ZBTB20: variants seen among roughly 807,000 people sequenced by gnomAD.
The protein encoded by ZBTB20 is zinc finger and BTB domain-containing protein 20.
A neutral mutation model predicts 56.9 loss-of-function variants in ZBTB20; 9 were observed. The ratio of observed to expected loss-of-function variants is 0.16; its 90% CI spans 0.10 to 0.28. ZBTB20 has a LOEUF of 0.28. Ranked by LOEUF, ZBTB20 falls within the 10% of genes least tolerant of loss-of-function variation. ZBTB20 has a pLI of 1.00. For missense variants in ZBTB20, 655 were observed against 1,003.0 expected (o/e 0.65, Z 4.69); for synonymous variants, 417 against 420.7 (o/e 0.99, Z 0.11).
chr3:114,621,202 T>C (rs536113011), intron 6 of ZBTB20, among the ~76,000 whole-genome samples: 1 of 152,352 alleles, frequency 6.6e-6, no homozygotes, highest in East Asian at 1.9e-4. Context: ...GTATATTTGC[T>C]GAAGGATAAT....
At chr3:115,064,012 C>G (rs1560539421) in intron 2 of ZBTB20, among the ~76,000 whole-genome samples, 1 of 151,968 alleles carries the variant, frequency 6.6e-6, no homozygotes. Context: ...TCACTTTGCC[C>G]CCCACATTCC....
At chr3:114,430,578 G>A (rs958301235) in intron 7 of ZBTB20, among the ~76,000 whole-genome samples, 1 of 152,106 alleles carries the variant, frequency 6.6e-6, no homozygotes, top group South Asian at 2.1e-4. Flanking sequence ...AAATATATGA[G>A]CATGAGCAAA....
chr3:114,839,465 A>AAGAG (rs1553842183), intron 4 of ZBTB20, among the ~76,000 whole-genome samples: 177 of 148,272 alleles, frequency 1.2e-3, no homozygotes, highest in African/African-American at 3.4e-3. Context: ...GAAAGAAAGA[A>AAGAG]AGAGAGAGAG....
chr3:114,705,484 T>C (rs565840211), intron 5 of ZBTB20, among the ~76,000 whole-genome samples: 11 of 152,154 alleles, frequency 7.2e-5, no homozygotes, highest in African/African-American at 2.2e-4. Context: ...ACTGATAATA[T>C]AGAATCAGAT....
chr3:114,862,823 AGAG>A (rs1310486941), intron 4 of ZBTB20, among the ~76,000 whole-genome samples: 1 of 152,196 alleles, frequency 6.6e-6, no homozygotes, highest in South Asian at 2.1e-4. Context: ...TTTTGGAAGC[AGAG>A]GAGAAGGGAA....
intron 6 of ZBTB20, among the ~76,000 whole-genome samples, chr3:114,655,269 G>T (rs1183592550): frequency 1.8e-5 from 1 of 55,420 alleles, no homozygotes; most frequent in Admixed American, 2.8e-4. Context: ...TTTTTGAGAC[G>T]GAGTCTCGCT....
chr3:115,077,811 G>C (rs1266334624), intron 1 of ZBTB20, among the ~76,000 whole-genome samples: 1 of 152,114 alleles, frequency 6.6e-6, no homozygotes, highest in Non-Finnish European at 1.5e-5. Context: ...AAGCACTATG[G>C]AAGATAGTCT....
rs561341570 is a variant in ZBTB20 at position 114,578,352 on chromosome 3, A to T, written c.-294-77961T>A. On this transcript the variant is annotated intron_variant, in intron 6 of 11. Coordinates refer to ENST00000675478, the MANE Select transcript of ZBTB20 (RefSeq NM_001348800.3). Reference sequence around the variant, plus strand: ...AGCTGATTAGAAAATACCAATGTTTATCTTATAAGAATTCCAGAAAAAGAA... The same window carrying T: ...AGCTGATTAGAAAATACCAATGTTTTTCTTATAAGAATTCCAGAAAAAGAA... Among the ~76,000 whole-genome samples the T allele has an allele frequency of 8.5e-5, 13 of 152,158 alleles. 1 individual carries two copies. The East Asian group carries it at 2.5e-3, about 29-fold the overall frequency.
At chr3:114,922,444 A>C (rs969889304) in intron 3 of ZBTB20, among the ~76,000 whole-genome samples, 30 of 152,190 alleles carry the variant, frequency 2.0e-4, no homozygotes, top group Non-Finnish European at 4.0e-4. Context: ...AAGAAAAAAA[A>C]ACCTGTTGAA....
At chr3:114,545,409 G>A (rs1416475264) in intron 6 of ZBTB20, among the ~76,000 whole-genome samples, 1 of 152,068 alleles carries the variant, frequency 6.6e-6, no homozygotes, top group African/African-American at 2.4e-5. Flanking sequence ...TAGTTAAAAG[G>A]CATCAGGGTG....
intron 5 of ZBTB20, among the ~76,000 whole-genome samples, chr3:114,781,616 G>C (rs1046886100): frequency 6.6e-6 from 1 of 152,142 alleles, no homozygotes; most frequent in Non-Finnish European, 1.5e-5. Flanking sequence ...ACACCCATTT[G>C]TGGCTTAAAG....
At chr3:115,145,859 A>G (rs1261684537) in intron 1 of ZBTB20, among the ~76,000 whole-genome samples, 6 of 152,232 alleles carry the variant, frequency 3.9e-5, no homozygotes, top group African/African-American at 1.4e-4. Flanking sequence ...GTGTTTTAAA[A>G]CTTTCAATGG....
At chr3:115,022,077 CA>C (rs2080228283) in intron 2 of ZBTB20, among the ~76,000 whole-genome samples, 1 of 150,586 alleles carries the variant, frequency 6.6e-6, no homozygotes, top group Non-Finnish European at 1.5e-5. Flanking sequence ...TGAATCTATT[CA>C]CATAATAGTT....
intron 4 of ZBTB20, among the ~76,000 whole-genome samples, chr3:114,848,594 C>T (rs1437210204): frequency 6.6e-6 from 1 of 152,168 alleles, no homozygotes; most frequent in Non-Finnish European, 1.5e-5. Context: ...AGTGTCTCTA[C>T]ATGTAGTTGT....
intron 5 of ZBTB20, among the ~76,000 whole-genome samples, chr3:114,702,252 G>A (rs143725025): frequency 8.7e-4 from 132 of 152,260 alleles, no homozygotes; most frequent in Middle Eastern, 3.4e-3. Flanking sequence ...CTGAGGCTGA[G>A]GCTGAGGATT....
At chr3:115,106,424 G>A (rs1365920400) in intron 1 of ZBTB20, among the ~76,000 whole-genome samples, 3 of 150,752 alleles carry the variant, frequency 2.0e-5, no homozygotes, top group African/African-American at 7.3e-5. Flanking sequence ...TAGCAGAAAC[G>A]GGGTTTCACC....
At chr3:114,960,568 T>C (rs1267067108) in intron 3 of ZBTB20, among the ~76,000 whole-genome samples, 1 of 152,202 alleles carries the variant, frequency 6.6e-6, no homozygotes, top group Non-Finnish European at 1.5e-5. Context: ...AGCTCCCCTA[T>C]GGGGATGTGT....
chr3:114,409,787 T>C (rs2087749935), intron 7 of ZBTB20, among the ~76,000 whole-genome samples: 1 of 152,178 alleles, frequency 6.6e-6, no homozygotes, highest in Admixed American at 6.5e-5. Flanking sequence ...AGATGCTTCT[T>C]ATGAAACACT....
At chr3:114,442,584 T>TAGG (rs1211101982) in intron 7 of ZBTB20, among the ~76,000 whole-genome samples, 1 of 152,200 alleles carries the variant, frequency 6.6e-6, no homozygotes, top group Non-Finnish European at 1.5e-5. Context: ...TTCTACTAAA[T>TAGG]GTGACCTTGT....
Sources: gnomAD v4.1 joint callset for allele counts (sites outside exome capture counted in the v4.1 genomes callset) on GRCh38, gnomAD v4.1.1 for gene constraint, MANE v1.5 for transcripts, NCBI Gene and HGNC (gene_info 2026-07-23, HGNC 2026-07-21) for gene names.